The following SLC8A3 variants were observed in gnomAD, a reference collection of about 807,000 sequenced individuals.
SLC8A3 encodes sodium/calcium exchanger 3.
A neutral mutation model predicts 65.4 loss-of-function variants in SLC8A3; 37 were observed. The ratio of observed to expected loss-of-function variants is 0.57; its 90% CI spans 0.44 to 0.74. The LOEUF (loss-of-function observed/expected upper bound fraction) is 0.74, where lower values mean the gene tolerates loss of function less well. Ranked by LOEUF, SLC8A3 falls within the 30% of genes least tolerant of loss-of-function variation. The probability of loss-of-function intolerance (pLI) is 0.00; values close to 1 mark genes in which losing one functional copy is unlikely to be tolerated. For synonymous variants in SLC8A3, 461 were observed against 444.5 expected (o/e 1.04, Z -0.47); for missense variants, 1,112 against 1,172.1 (o/e 0.95, Z 0.75).
intron 2 of SLC8A3, among the ~76,000 whole-genome samples, chr14:70,104,006 C>T (rs1409872554): frequency 1.3e-5 from 2 of 151,952 alleles, no homozygotes; most frequent in Non-Finnish European, 1.5e-5. Context: ...GTTAAAAAGA[C>T]TTCAAGATAA....
chr14:70,111,062 A>G (rs1426978108), intron 2 of SLC8A3, among the ~76,000 whole-genome samples: 1 of 152,110 alleles, frequency 6.6e-6, no homozygotes, highest in African/African-American at 2.4e-5. Flanking sequence ...CGGTAGCTCA[A>G]TTTTTAGTTT....
chr14:70,109,196 C>CTTTT (rs61458322), intron 2 of SLC8A3, among the ~76,000 whole-genome samples: 1 of 136,670 alleles, frequency 7.3e-6, no homozygotes, highest in Non-Finnish European at 1.6e-5. Flanking sequence ...GCAGAAGGTT[C>CTTTT]TTTTTTTTTT....
intron 2 of SLC8A3, among the ~76,000 whole-genome samples, chr14:70,156,465 C>A (rs1211751266): frequency 6.6e-6 from 1 of 152,186 alleles, no homozygotes; most frequent in African/African-American, 2.4e-5. Flanking sequence ...CTTCTCACAT[C>A]TACAACTGAG....
chr14:70,142,870 C>G lies in SLC8A3; in HGVS notation c.1784+23769G>C, dbSNP rs186024727. ...TTCTGGTCCCTTAAAAAAGAAGTCA[C>G]CGTTTTAGAGTTTTTCCTCAGTGGA... On this transcript the variant is annotated intron_variant, in intron 2 of 6. Transcript: ENST00000356921. 2.6e-5 allele frequency among the ~76,000 whole-genome samples: 4 copies of G among 152,264 alleles called. No individual in the cohort carries two copies. The East Asian group carries it at 7.7e-4, about 29-fold the overall frequency.
At chr14:70,149,635 A>G (rs1373793388) in intron 2 of SLC8A3, among the ~76,000 whole-genome samples, 2 of 152,108 alleles carry the variant, frequency 1.3e-5, no homozygotes, top group African/African-American at 4.8e-5. Context: ...CATGCCCAAG[A>G]GCCCTCTGCA....
chr14:70,177,209 G>A (rs905581384), intron 1 of SLC8A3, among the ~76,000 whole-genome samples: 2 of 152,220 alleles, frequency 1.3e-5, no homozygotes, highest in African/African-American at 2.4e-5. Flanking sequence ...GAATGAAGGA[G>A]TACATGGAAT....
At chr14:70,109,421 GTGTATATATATACA>G (rs1566785483) in intron 2 of SLC8A3, among the ~76,000 whole-genome samples, 1 of 144,066 alleles carries the variant, frequency 6.9e-6, no homozygotes, top group Non-Finnish European at 1.5e-5. Context: ...CAATAATAAT[GTGTATATATATACA>G]TGTATATGTA....
chr14:70,164,376 T>G (rs1480531509), intron 2 of SLC8A3, among the ~76,000 whole-genome samples: 1 of 152,132 alleles, frequency 6.6e-6, no homozygotes, highest in East Asian at 1.9e-4. Context: ...GGTTTTGGAC[T>G]CATTATTCTG....
intron 2 of SLC8A3, among the ~76,000 whole-genome samples, chr14:70,152,832 G>A (rs1385580613): frequency 6.6e-6 from 1 of 152,228 alleles, no homozygotes. Flanking sequence ...AGCTGAGCAG[G>A]GCAACTCCCT....
At chr14:70,153,534 C>A (rs1262045025) in intron 2 of SLC8A3, among the ~76,000 whole-genome samples, 1 of 152,190 alleles carries the variant, frequency 6.6e-6, no homozygotes, top group Non-Finnish European at 1.5e-5. Context: ...TCTGTATGGC[C>A]ACAGCCCTCA....
At chr14:70,131,190 C>T (rs937732665) in intron 2 of SLC8A3, among the ~76,000 whole-genome samples, 1 of 152,090 alleles carries the variant, frequency 6.6e-6, no homozygotes, top group African/African-American at 2.4e-5. Context: ...AGAAGAGAAG[C>T]CTTGGATGAT....
intron 2 of SLC8A3, among the ~76,000 whole-genome samples, chr14:70,095,721 A>C (rs1892130607): frequency 6.6e-6 from 1 of 152,146 alleles, no homozygotes; most frequent in South Asian, 2.1e-4. Flanking sequence ...AATCATCTGA[A>C]GAGAGAGGGA....
intron 2 of SLC8A3, among the ~76,000 whole-genome samples, chr14:70,106,414 A>T (rs12879523): frequency 0.18 from 27,359 of 152,148 alleles, 2,701 homozygotes; most frequent in Non-Finnish European, 0.22. Flanking sequence ...TTATTGTAAC[A>T]GAAATCTTAG....
chr14:70,107,383 T>C (rs1892946305), intron 2 of SLC8A3, among the ~76,000 whole-genome samples: 1 of 152,128 alleles, frequency 6.6e-6, no homozygotes, highest in South Asian at 2.1e-4. Context: ...ATTCAGATTG[T>C]AATAAATGTT....
intron 2 of SLC8A3, among the ~76,000 whole-genome samples, chr14:70,115,191 G>A (rs1364750583): frequency 6.6e-6 from 1 of 152,190 alleles, no homozygotes; most frequent in Non-Finnish European, 1.5e-5. Context: ...TGGCGGCTGA[G>A]TCAGGACTAG....
At chr14:70,086,401 CTTTTTTTTTTTT>C (rs10605312) in intron 2 of SLC8A3, among the ~76,000 whole-genome samples, 2 of 116,148 alleles carry the variant, frequency 1.7e-5, no homozygotes, top group Non-Finnish European at 3.6e-5. Flanking sequence ...TTTCTTTTTT[CTTTTTTTTTTTT>C]TTTTTTGAGA....
intron 2 of SLC8A3, among the ~76,000 whole-genome samples, chr14:70,122,470 C>T (rs1166301004): frequency 6.6e-6 from 1 of 152,084 alleles, no homozygotes; most frequent in Middle Eastern, 3.2e-3. Context: ...GCCTGGCCTG[C>T]TCTGCCACTT....
At chr14:70,105,216 C>A (rs1892784029) in intron 2 of SLC8A3, among the ~76,000 whole-genome samples, 1 of 152,074 alleles carries the variant, frequency 6.6e-6, no homozygotes, top group African/African-American at 2.4e-5. Flanking sequence ...GTAGTCCCAG[C>A]TGCTCGGGAG....
rs544735387 is a variant in SLC8A3 at position 70,065,528 on chromosome 14, G to A, written c.1785-4589C>T. Among the ~76,000 whole-genome samples, 18 of 152,204 alleles carry A rather than the reference G, an allele frequency of 1.2e-4. No homozygotes were observed. The South Asian group carries it at 3.3e-3, about 28-fold the overall frequency. ...GACAGATGAGCTGGATTCAAATCCC[G>A]CCTCCACCCCTCACTAGCTGGGTGA... On this transcript the variant is annotated intron_variant, in intron 2 of 6. Coordinates refer to ENST00000356921, the MANE Select transcript of SLC8A3 (RefSeq NM_182932.3).
Sources: gnomAD v4.1 joint callset for allele counts (sites outside exome capture counted in the v4.1 genomes callset) on GRCh38, gnomAD v4.1.1 for gene constraint, MANE v1.5 for transcripts, NCBI Gene and HGNC (gene_info 2026-07-23, HGNC 2026-07-21) for gene names.